The following PKHD1 variants were observed in gnomAD, a reference collection of about 807,000 sequenced individuals.
PKHD1 encodes the protein PKHD1 ciliary IPT domain containing fibrocystin/polyductin, also known as fibrocystin.
PKHD1 carries 291 observed loss-of-function variants against 412.0 expected under a neutral mutation model. That is an observed-to-expected ratio of 0.71 (90% CI 0.64 to 0.78). The LOEUF is 0.78. Ranked by LOEUF, PKHD1 falls within the 30% of genes least tolerant of loss-of-function variation. The pLI, the probability that PKHD1 is intolerant of heterozygous loss-of-function variation, is 0.00. For missense variants in PKHD1, 4,825 were observed against 4,950.7 expected, an observed-to-expected ratio of 0.97 and a Z score of 0.76; for synonymous variants, 1,777 against 1,821.5, an observed-to-expected ratio of 0.98 and a Z score of 0.62.
intron 60 of PKHD1, among the ~76,000 whole-genome samples, chr6:51,716,013 A>G (rs1197912769): frequency 2.0e-5 from 3 of 152,224 alleles, no homozygotes; most frequent in Admixed American, 6.5e-5. Context: ...GGTGTTCATT[A>G]TACTATTAAA....
In PKHD1 at chr6:51,768,822, A is replaced by C. The variant is rs117144038; in HGVS notation, c.8642+3880T>G. Among the ~76,000 whole-genome samples the C allele has an allele frequency of 7.3e-4, 111 of 151,844 alleles. 1 individual carries two copies. In the East Asian group the frequency reaches 0.021, roughly 29 times the overall value. Reference sequence around the variant, plus strand: ...ATGTTTATTTTGTATTATTACTTAAACCAGTGCTTCTCAACTAATGGTTAT... The same window carrying C: ...ATGTTTATTTTGTATTATTACTTAACCCAGTGCTTCTCAACTAATGGTTAT... On this transcript the variant is annotated intron_variant, in intron 55 of 66. Transcript: ENST00000371117.
Position 51,744,371 on chromosome 6 carries a change from C to T in PKHD1, c.10156+14G>A. ...TTGCCTCTACCACAGGCATTGCATT[C>T]AGATATAGCTTACCTGCGTTGAAGA... On this transcript the variant is annotated intron_variant, in intron 60 of 66. Coordinates refer to ENST00000371117, the MANE Select transcript of PKHD1 (RefSeq NM_138694.4). The T allele has an allele frequency of 6.2e-7, 1 of 1,612,162 alleles. No individual in the cohort carries two copies.
chr6:51,899,231 CA>C (rs546605761), intron 43 of PKHD1, among the ~76,000 whole-genome samples: 10,798 of 151,998 alleles, frequency 0.071, 607 homozygotes, highest in African/African-American at 0.16. Flanking sequence ...AACTTTACAC[CA>C]ATATCCTTGA....
chr6:51,803,769 C>A (rs976528261), intron 52 of PKHD1, among the ~76,000 whole-genome samples: 2 of 151,394 alleles, frequency 1.3e-5, no homozygotes, highest in East Asian at 3.9e-4. Flanking sequence ...TGCAATGGTG[C>A]GATCTTGGCT....
intron 27 of PKHD1, among the ~76,000 whole-genome samples, chr6:52,036,149 C>T (rs1312252390): frequency 3.9e-5 from 6 of 152,182 alleles, no homozygotes; most frequent in Non-Finnish European, 7.4e-5. Context: ...ACAGATTGCT[C>T]AGCTACTTTT....
intron 61 of PKHD1, among the ~76,000 whole-genome samples, chr6:51,652,130 T>C (rs2580007): frequency 0.92 from 139,854 of 152,204 alleles, 64,391 homozygotes; most frequent in East Asian, 1. Flanking sequence ...TTCCCTCCAT[T>C]CATCCCAGTT....
chr6:51,673,407 C>T (rs563644663), intron 60 of PKHD1, among the ~76,000 whole-genome samples: 1 of 152,230 alleles, frequency 6.6e-6, no homozygotes, highest in African/African-American at 2.4e-5. Flanking sequence ...CACTATAAAG[C>T]TTTCCTACTT....
chr6:51,663,050 A>G (rs1207014397), intron 60 of PKHD1, among the ~76,000 whole-genome samples: 1 of 152,046 alleles, frequency 6.6e-6, no homozygotes, highest in African/African-American at 2.4e-5. Context: ...GCATGGATCC[A>G]GTATGAAGGC....
At chr6:52,013,678 C>A (rs1386846418) in intron 34 of PKHD1, among the ~76,000 whole-genome samples, 1 of 152,130 alleles carries the variant, frequency 6.6e-6, no homozygotes, top group Non-Finnish European at 1.5e-5. Context: ...TGCACACACA[C>A]ACACATATTT....
chr6:51,997,802 G>A (rs1190321898), intron 35 of PKHD1, among the ~76,000 whole-genome samples: 2 of 152,198 alleles, frequency 1.3e-5, no homozygotes, highest in African/African-American at 4.8e-5. Context: ...TCCAGAGGAT[G>A]AAAAGAGGCT....
intron 43 of PKHD1, among the ~76,000 whole-genome samples, chr6:51,895,731 A>T (rs1779812023): frequency 6.6e-6 from 1 of 152,052 alleles, no homozygotes; most frequent in African/African-American, 2.4e-5. Flanking sequence ...AAGACAGGCG[A>T]TTTCTGCATT....
rs566540565 is a variant in PKHD1 at position 51,977,104 on chromosome 6, G to A, written c.5752-17078C>T. ...CTCTGTAAAGCCTATTTGGAATTGG[G>A]GAATTTTAGAACATCTAACATCCTC... is the stretch of plus-strand genomic sequence containing the variant. On this transcript the variant is annotated intron_variant, in intron 35 of 66. Coordinates refer to ENST00000371117, the MANE Select transcript of PKHD1 (RefSeq NM_138694.4). 2.2e-4 allele frequency among the ~76,000 whole-genome samples: 34 copies of A among 152,112 alleles called. No individual in the cohort carries two copies. The South Asian group carries it at 6.0e-3, about 27-fold the overall frequency.
In PKHD1 at chr6:51,746,755, T is replaced by C; in HGVS notation, c.9964A>G (p.Lys3322Glu). ...AATGAAGGAAAGTAGAACTTGTTTTTATCTTTTATCTTTAGCATCCTGGTC... is the reference window on the plus strand; with the variant it reads ...AATGAAGGAAAGTAGAACTTGTTTTCATCTTTTATCTTTAGCATCCTGGTC... ...ERTRMLKIKD[K>E]NKFYFPSLQP... is the part of the protein sequence containing the mutation. Residue 3322 changes from lysine (K) to glutamate (E), a missense_variant, in exon 59 of 67, where the codon AAA (lysine) becomes GAA (glutamate). Physicochemically the swap from Lys to Glu is moderately conservative, Grantham distance 56. Transcript: ENST00000371117. 1.2e-6 allele frequency: 2 copies of C among 1,610,418 alleles called. No homozygotes were observed. Among genetic ancestry groups the C allele is most frequent in the Non-Finnish European group, 1.7e-6 (2 of 1,176,818 alleles).
intron 11 of PKHD1, among the ~76,000 whole-genome samples, chr6:52,066,582 G>C (rs940218936): frequency 3.9e-5 from 6 of 152,124 alleles, no homozygotes; most frequent in African/African-American, 1.4e-4. Flanking sequence ...CTCATACCCA[G>C]TTCTTTCATG....
rs539417032 is a variant in PKHD1, at chr6:51,659,480, C to T, written c.10646G>A (p.Gly3549Glu). Residue 3549 changes from glycine (G) to glutamate (E), a missense_variant, in exon 61 of 67, where the codon GGA becomes GAA. Coordinates refer to ENST00000371117, the MANE Select transcript of PKHD1 (RefSeq NM_138694.4). ...MDNLLYVVLQ[G>E]EEPIEIRSGV... Reference sequence around the variant, plus strand: ...TGAGCGTATTTCAATGGGCTCCTCTCCTTGTAGGACAACATACAAGAGGTT... The same window carrying T: ...TGAGCGTATTTCAATGGGCTCCTCTTCTTGTAGGACAACATACAAGAGGTT... The T allele has an allele frequency of 2.5e-6, 4 of 1,613,644 alleles. No individual in the cohort carries two copies. In the South Asian group the frequency reaches 4.4e-5, roughly 18 times the overall value.
intron 60 of PKHD1, among the ~76,000 whole-genome samples, chr6:51,673,867 G>A (rs939689403): frequency 6.6e-6 from 1 of 152,124 alleles, no homozygotes; most frequent in Non-Finnish European, 1.5e-5. Context: ...GTGAAAAGAA[G>A]GTTCTTTGAA....
At chr6:51,941,113 C>T (rs1337439252) in intron 36 of PKHD1, among the ~76,000 whole-genome samples, 3 of 151,138 alleles carry the variant, frequency 2.0e-5, no homozygotes, top group African/African-American at 7.3e-5. Context: ...GGCGACTGAT[C>T]ATGCACCCTT....
intron 4 of PKHD1, among the ~76,000 whole-genome samples, 158 bp downstream of exon 4, chr6:52,082,234 G>C (rs893532596): frequency 1.3e-5 from 2 of 152,132 alleles, no homozygotes; most frequent in African/African-American, 4.8e-5. Flanking sequence ...ACCCCAGATA[G>C]GGACCTTTTA....
At chr6:51,707,970 A>G (rs566739903) in intron 60 of PKHD1, among the ~76,000 whole-genome samples, 21 of 152,252 alleles carry the variant, frequency 1.4e-4, no homozygotes, top group African/African-American at 5.1e-4. Context: ...TTCTGCACAC[A>G]TAATTTTATT....
Sources: gnomAD v4.1 joint callset for allele counts (sites outside exome capture counted in the v4.1 genomes callset) on GRCh38, gnomAD v4.1.1 for gene constraint, MANE v1.5 for transcripts, NCBI Gene and HGNC (gene_info 2026-07-23, HGNC 2026-07-21) for gene names.